Variants in SAMD8 observed in about 807,000 individuals in gnomAD.
SAMD8 encodes the protein sphingomyelin synthase-related protein 1.
In SAMD8, 20 loss-of-function variants were observed where a neutral mutation model predicts 42.0. The observed-to-expected ratio is 0.48, with a 90% confidence interval of 0.34 to 0.69. The LOEUF (loss-of-function observed/expected upper bound fraction) is 0.69. Among genes scored for constraint, SAMD8 ranks in the 30% least tolerant of loss-of-function variants. SAMD8 has a pLI of 0.01. For missense variants in SAMD8, 328 were observed against 511.6 expected (o/e 0.64, Z 3.46); for synonymous variants, 162 against 173.0 (o/e 0.94, Z 0.50).
At position 75,176,600 on chromosome 10, in the gene SAMD8, T is replaced by C; in HGVS notation, c.1156T>C (p.Ser386Pro). The part of the protein sequence containing the change: ...RRARIWFPMF[S>P]FFECNVNGTV... The stretch of plus-strand genomic sequence containing the variant: ...AGCAAGGATTTGGTTTCCCATGTTC[T>C]CTTTTTTTGAATGCAATGTTAATGG... Residue 386 changes from serine (S) to proline (P), a missense_variant, in exon 6 of 6, where the codon TCT (serine) becomes CCT (proline). By Grantham distance (74) the Ser-to-Pro change is moderately conservative. Around this residue, in one of 2 missense-constraint regions of SAMD8, gnomAD observed 178 missense variants for 325.6 expected, o/e 0.55. Transcript: ENST00000542569. This position sits in a 1 kb window ranked among gnomAD's most constrained non-coding sequence, Gnocchi z 4.3. 1.3e-6 allele frequency: 2 copies of C among 1,550,586 alleles called. No homozygotes were observed. The highest frequency in any genetic ancestry group is 1.7e-6 in the Non-Finnish European group (2 of 1,146,974).
At chr10:75,149,007 T>G (rs1203042720) in intron 1 of SAMD8, among the ~76,000 whole-genome samples, 1 of 152,262 alleles carries the variant, frequency 6.6e-6, no homozygotes, top group East Asian at 1.9e-4. Flanking sequence ...TTTTTCTTTT[T>G]TTCAAGCTGG....
intron 2 of SAMD8, among the ~76,000 whole-genome samples, chr10:75,154,170 G>A (rs950168300): frequency 1.3e-5 from 2 of 152,210 alleles, no homozygotes; most frequent in African/African-American, 4.8e-5. Flanking sequence ...TTGGAAGATG[G>A]ATGGATGAGT....
chr10:75,158,906 A>C (rs901176079), intron 2 of SAMD8, among the ~76,000 whole-genome samples: 1 of 152,112 alleles, frequency 6.6e-6, no homozygotes, highest in African/African-American at 2.4e-5. Flanking sequence ...CTTTCTTATT[A>C]CCAAATAATA....
At position 75,167,179 on chromosome 10, in the gene SAMD8, T is replaced by C. The variant is rs114135104; in HGVS notation, c.675-1362T>C. ...TATAAACATTTTTTTTAAAACATAG[T>C]GTTTTATAGCTTAAGTTTAAGTTAA... On this transcript the variant is annotated intron_variant, in intron 3 of 5. Transcript: ENST00000542569. Among the ~76,000 whole-genome samples the C allele has an allele frequency of 2.4e-3, 361 of 152,294 alleles. 2 individuals carry two copies. Among genetic ancestry groups the C allele is most frequent in the African/African-American group, 8.3e-3 (343 of 41,568 alleles).
intron 1 of SAMD8, among the ~76,000 whole-genome samples, chr10:75,123,058 T>G (rs1044139830): frequency 4.6e-5 from 7 of 152,126 alleles, no homozygotes; most frequent in Admixed American, 2.6e-4. Flanking sequence ...ATATTGGCCC[T>G]TCTACAGACA....
intron 1 of SAMD8, among the ~76,000 whole-genome samples, chr10:75,118,917 G>C (rs1291112961): frequency 6.6e-6 from 1 of 152,068 alleles, no homozygotes; most frequent in Non-Finnish European, 1.5e-5. Context: ...CAAACATGTA[G>C]TCTTTATTAT....
chr10:75,104,142 C>T lies in SAMD8; in HGVS notation c.-16+4414C>T, dbSNP rs747055916. On this transcript the variant is annotated intron_variant, in intron 1 of 3. Transcript: ENST00000447533. ...TGTGTTACAGGCAGGTGAACCAAGG[C>T]CCAGGCTGGCTGGGACTTGTTGGGG... The T allele has an allele frequency of 6.2e-6, 8 of 1,286,106 alleles. No homozygotes were observed. In the Admixed American group the frequency reaches 1.8e-4, roughly 29 times the overall value. 79.7% of individuals were successfully genotyped at this position (1,286,106 alleles called of 1,614,324 possible).
intron 4 of SAMD8, among the ~76,000 whole-genome samples, chr10:75,174,877 C>T (rs919044860): frequency 6.6e-6 from 1 of 152,034 alleles, no homozygotes; most frequent in African/African-American, 2.4e-5. Flanking sequence ...TTCAAAGTGG[C>T]TATGGTTTAA....
intron 1 of SAMD8, among the ~76,000 whole-genome samples, chr10:75,134,177 T>C (rs1849333060): frequency 6.6e-6 from 1 of 152,122 alleles, no homozygotes; most frequent in African/African-American, 2.4e-5. Flanking sequence ...ACACTGGGCC[T>C]GTCAGTGGGG....
chr10:75,162,201 A>C (rs1373364689), intron 2 of SAMD8, among the ~76,000 whole-genome samples: 3 of 152,174 alleles, frequency 2.0e-5, no homozygotes, highest in African/African-American at 7.2e-5. Context: ...TCTACTAAAA[A>C]TACAAAAATT....
At chr10:75,129,282 C>T (rs567694098) in intron 1 of SAMD8, among the ~76,000 whole-genome samples, 1 of 152,028 alleles carries the variant, frequency 6.6e-6, no homozygotes, top group Non-Finnish European at 1.5e-5. Context: ...TGCTCTGTCA[C>T]CAGGCTGGAG....
chr10:75,103,498 G>A (rs1380780488), intron 1 of SAMD8, among the ~76,000 whole-genome samples: 2 of 152,284 alleles, frequency 1.3e-5, no homozygotes, highest in Non-Finnish European at 1.5e-5. Context: ...CCAGAGAGAT[G>A]GTCTTTAAGG....
At chr10:75,173,203 T>C (rs1275920124) in intron 4 of SAMD8, among the ~76,000 whole-genome samples, 2 of 152,202 alleles carry the variant, frequency 1.3e-5, no homozygotes, top group African/African-American at 4.8e-5. Context: ...CTTTGAATTA[T>C]AATATAACCT....
intron 1 of SAMD8, among the ~76,000 whole-genome samples, chr10:75,116,418 T>G (rs1416830502): frequency 6.6e-6 from 1 of 152,138 alleles, no homozygotes; most frequent in Non-Finnish European, 1.5e-5. Context: ...GTGCATTTAG[T>G]TAAGCTTATG....
intron 1 of SAMD8, among the ~76,000 whole-genome samples, chr10:75,114,305 C>T (rs546586179): frequency 6.1e-5 from 9 of 147,964 alleles, no homozygotes; most frequent in African/African-American, 2.0e-4. Context: ...CACTGCACTC[C>T]AGCCTGGGCA....
intron 1 of SAMD8, chr10:75,125,911 G>A (rs1468655098): frequency 6.6e-6 from 1 of 152,072 alleles, no homozygotes; most frequent in East Asian, 1.9e-4. Context: ...ACTATCTTCT[G>A]GAAAAAGATA....
chr10:75,135,675 A>C (rs1240075089), intron 1 of SAMD8, among the ~76,000 whole-genome samples: 2 of 150,520 alleles, frequency 1.3e-5, no homozygotes, highest in Non-Finnish European at 3.0e-5. Context: ...AATACAAAAA[A>C]ATTAACTGGG....
intron 1 of SAMD8, among the ~76,000 whole-genome samples, chr10:75,133,464 C>T (rs1404402660): frequency 6.6e-6 from 1 of 152,080 alleles, no homozygotes; most frequent in African/African-American, 2.4e-5. Context: ...GATATATGTC[C>T]AAAGGAAATG....
At chr10:75,128,073 ATTTTTTTT>A (rs11353511) in intron 1 of SAMD8, among the ~76,000 whole-genome samples, 2 of 119,260 alleles carry the variant, frequency 1.7e-5, no homozygotes, top group African/African-American at 6.5e-5. Flanking sequence ...TTCTTCTTTA[ATTTTTTTT>A]TTTTTTTTTT....
Sources: allele counts gnomAD v4.1 joint callset (sites outside exome capture counted in the v4.1 genomes callset), GRCh38; gene constraint gnomAD v4.1.1; regional missense constraint gnomAD v4.1.1; non-coding constraint Gnocchi (gnomAD v3.1); transcripts MANE v1.5; gene names NCBI Gene and HGNC (gene_info 2026-07-23, HGNC 2026-07-21).